The following PPP2R2A variants were observed in gnomAD, a reference collection of about 807,000 sequenced individuals.
PPP2R2A encodes the protein serine/threonine-protein phosphatase 2A 55 kDa regulatory subunit B alpha isoform.
PPP2R2A carries 9 observed loss-of-function variants against 53.2 expected under a neutral mutation model. That is an observed-to-expected ratio of 0.17 (90% CI 0.10 to 0.30). The LOEUF (loss-of-function observed/expected upper bound fraction) is 0.30. Ranked by LOEUF, PPP2R2A falls within the 10% of genes least tolerant of loss-of-function variation. PPP2R2A has a pLI of 1.00. For missense variants in PPP2R2A, 235 were observed against 534.6 expected, an observed-to-expected ratio of 0.44 and a Z score of 5.53; for synonymous variants, 169 against 174.2, an observed-to-expected ratio of 0.97 and a Z score of 0.23.
chr8:26,364,440 C>A (rs1164562562), intron 8 of PPP2R2A, among the ~76,000 whole-genome samples: 1 of 152,174 alleles, frequency 6.6e-6, no homozygotes, highest in Non-Finnish European at 1.5e-5. Flanking sequence ...CTCTTATCAG[C>A]CAGCCACTAC....
intron 2 of PPP2R2A, among the ~76,000 whole-genome samples, chr8:26,300,846 A>G (rs1005938288): frequency 6.6e-6 from 1 of 152,006 alleles, no homozygotes; most frequent in Non-Finnish European, 1.5e-5. Flanking sequence ...GCAAGACTCC[A>G]TCTCAAAAAA....
intron 2 of PPP2R2A, among the ~76,000 whole-genome samples, chr8:26,302,571 C>G (rs1017895536): frequency 6.6e-6 from 1 of 152,160 alleles, no homozygotes; most frequent in Middle Eastern, 3.2e-3. Flanking sequence ...TTCAAGAATC[C>G]ACCACTGTGG....
At chr8:26,317,348 T>C (rs1451573249) in intron 2 of PPP2R2A, among the ~76,000 whole-genome samples, 1 of 152,226 alleles carries the variant, frequency 6.6e-6, no homozygotes, top group African/African-American at 2.4e-5. Context: ...GAAATGATGT[T>C]ACTTATTGTT....
intron 2 of PPP2R2A, among the ~76,000 whole-genome samples, chr8:26,325,056 T>C (rs978293336): frequency 6.6e-6 from 1 of 150,622 alleles, no homozygotes; most frequent in Non-Finnish European, 1.5e-5. Context: ...TTTGAGTTAA[T>C]GCTGAAATGA....
rs1321067899 is a variant in PPP2R2A, at chr8:26,354,181, A to G, written c.181-287A>G. Among the ~76,000 whole-genome samples the G allele has an allele frequency of 1.3e-5, 2 of 152,046 alleles. No individual in the cohort carries two copies. The highest frequency in any genetic ancestry group is 2.9e-5 in the Non-Finnish European group (2 of 68,030). ...ATCAGTTTTTTTCATAGACTATACC[A>G]TCAAATACATAAGAGTAAATTAGCA... On this transcript the variant is annotated intron_variant, in intron 3 of 9. Transcript: ENST00000380737. The surrounding 1 kb of genome is among the most constrained non-coding windows in gnomAD (Gnocchi z 4.6).
chr8:26,310,473 T>A (rs1802235660), intron 2 of PPP2R2A, among the ~76,000 whole-genome samples: 1 of 151,614 alleles, frequency 6.6e-6, no homozygotes, highest in South Asian at 2.1e-4. Flanking sequence ...TTTTTTCCAG[T>A]TAACATATAT....
intron 2 of PPP2R2A, among the ~76,000 whole-genome samples, chr8:26,301,733 G>A (rs998738005): frequency 2.6e-5 from 4 of 152,262 alleles, no homozygotes; most frequent in Middle Eastern, 3.4e-3. Context: ...TCTAAATGTC[G>A]TCTGGCAACC....
At chr8:26,333,177 A>G (rs145445677) in intron 2 of PPP2R2A, among the ~76,000 whole-genome samples, 13 of 152,326 alleles carry the variant, frequency 8.5e-5, no homozygotes, top group South Asian at 8.3e-4. Flanking sequence ...GAGTTTGGCA[A>G]ACATTTTCTG....
At chr8:26,303,671 G>A (rs1801887086) in intron 2 of PPP2R2A, among the ~76,000 whole-genome samples, 2 of 151,994 alleles carry the variant, frequency 1.3e-5, no homozygotes, top group South Asian at 4.1e-4. Flanking sequence ...CAGTATTTTT[G>A]TGGCTGTTTT....
At chr8:26,366,605 TC>T (rs1274459773) in intron 9 of PPP2R2A, among the ~76,000 whole-genome samples, 199 bp downstream of exon 9, 1 of 152,190 alleles carries the variant, frequency 6.6e-6, no homozygotes, top group East Asian at 1.9e-4. Context: ...TTCTAGGTAA[TC>T]TAAATTATTT....
chr8:26,301,611 T>C (rs1240344775), intron 2 of PPP2R2A, among the ~76,000 whole-genome samples: 1 of 152,178 alleles, frequency 6.6e-6, no homozygotes, highest in African/African-American at 2.4e-5. Context: ...ATAAGGGCTT[T>C]GTGAACCCTC....
At chr8:26,324,998 A>AC (rs1015918500) in intron 2 of PPP2R2A, among the ~76,000 whole-genome samples, 2 of 141,300 alleles carry the variant, frequency 1.4e-5, no homozygotes, top group Admixed American at 1.4e-4. Flanking sequence ...CTGTACCCCC[A>AC]CTGTATCTAG....
chr8:26,315,965 A>G (rs569807914), intron 2 of PPP2R2A, among the ~76,000 whole-genome samples: 102 of 152,340 alleles, frequency 6.7e-4, no homozygotes, highest in African/African-American at 2.6e-4. Flanking sequence ...CAGAATTTAT[A>G]TAAAAGTAGA....
chr8:26,335,392 A>G (rs60374868), intron 2 of PPP2R2A, among the ~76,000 whole-genome samples: 3,667 of 152,292 alleles, frequency 0.024, 130 homozygotes, highest in African/African-American at 0.084. Context: ...AGGAAGGAAC[A>G]CCATGACGTA....
chr8:26,345,091 C>G (rs944366026), intron 3 of PPP2R2A, among the ~76,000 whole-genome samples: 1 of 152,104 alleles, frequency 6.6e-6, no homozygotes, highest in African/African-American at 2.4e-5. Context: ...AAATTTTCCA[C>G]TTGTGTCATG....
In PPP2R2A at chr8:26,360,408, G is replaced by C; in HGVS notation, c.459+127G>C. The stretch of plus-strand genomic sequence containing the variant: ...CCCTTTCCCAGTAATTCTGTAATCA[G>C]GTAGGACATTGAGTAACTCATTTAA... On this transcript the variant is annotated intron_variant, in intron 5 of 9. Coordinates refer to ENST00000380737, the MANE Select transcript of PPP2R2A (RefSeq NM_002717.4). This position sits in a 1 kb window ranked among gnomAD's most constrained non-coding sequence, Gnocchi z 4.5. The C allele has an allele frequency of 1.8e-6, 1 of 550,328 alleles. No individual in the cohort carries two copies. The highest frequency in any genetic ancestry group is 3.1e-6 in the Non-Finnish European group (1 of 317,588). 34.1% of individuals were successfully genotyped at this position (550,328 alleles called of 1,614,324 possible).
chr8:26,291,716 C>T lies in PPP2R2A; in HGVS notation c.-104C>T. On this transcript the variant is annotated 5_prime_UTR_variant, in exon 1 of 10. Coordinates refer to ENST00000380737, the MANE Select transcript of PPP2R2A (RefSeq NM_002717.4). ...GTCCCCTCCCCCCGCAGGTGCCATCCGCCGCCATCCGCCCTCTCTACCCCC... is the reference window on the plus strand; with the variant it reads ...GTCCCCTCCCCCCGCAGGTGCCATCTGCCGCCATCCGCCCTCTCTACCCCC... The T allele has an allele frequency of 9.0e-7, 1 of 1,106,480 alleles. No homozygotes were observed. Among genetic ancestry groups the T allele is most frequent in the Non-Finnish European group, 1.3e-6 (1 of 780,604 alleles). The allele number at this position is 1,106,480 out of a possible 1,614,324, so 68.5% of individuals were successfully genotyped here. A position where few individuals can be genotyped will look rare whatever the true frequency, so the allele number is the denominator to read the frequency against.
In PPP2R2A at chr8:26,370,081, A is replaced by G. The variant is rs991343051; in HGVS notation, c.1065-53A>G. 15 of 1,555,672 alleles carry G rather than the reference A, an allele frequency of 9.6e-6. No homozygotes were observed. Among genetic ancestry groups the G allele is most frequent in the Non-Finnish European group, 1.3e-5 (15 of 1,140,652 alleles). On this transcript the variant is annotated intron_variant, in intron 9 of 9. Coordinates refer to ENST00000380737, the MANE Select transcript of PPP2R2A (RefSeq NM_002717.4). This position sits in a 1 kb window ranked among gnomAD's most constrained non-coding sequence, Gnocchi z 6.1. ...TTTAATTGCCGAATCATTTTACTTG[A>G]AAACAATTTCTTGTTCTGCTTGTTT...
chr8:26,361,983 T>G (rs1362948098), intron 6 of PPP2R2A, among the ~76,000 whole-genome samples: 3 of 147,924 alleles, frequency 2.0e-5, no homozygotes, highest in Non-Finnish European at 4.5e-5. Flanking sequence ...ATATATAGAT[T>G]TATATATATT....
Sources: allele counts gnomAD v4.1 joint callset (sites outside exome capture counted in the v4.1 genomes callset), GRCh38; gene constraint gnomAD v4.1.1; non-coding constraint Gnocchi (gnomAD v3.1); transcripts MANE v1.5; gene names NCBI Gene and HGNC (gene_info 2026-07-23, HGNC 2026-07-21).